The following ACYP2 variants were observed in gnomAD, a reference collection of about 807,000 sequenced individuals.
ACYP2 encodes the protein acylphosphatase 2.
ACYP2 carries 12 observed loss-of-function variants against 11.2 expected under a neutral mutation model. That is an observed-to-expected ratio of 1.08 (90% CI 0.69 to 1.74). The LOEUF is 1.74. Ranked by LOEUF, ACYP2 falls within the 40% of genes most tolerant of loss-of-function variation. The pLI is 0.00. For synonymous variants in ACYP2, 43 were observed against 32.2 expected (o/e 1.33, Z -1.13); for missense variants, 134 against 101.9 (o/e 1.31, Z -1.35).
intron 6 of ACYP2, among the ~76,000 whole-genome samples, chr2:54,258,382 C>G (rs984462898): frequency 1.5e-4 from 23 of 152,124 alleles, no homozygotes; most frequent in Non-Finnish European, 3.2e-4. Flanking sequence ...AGCAGAGGCA[C>G]TAAGACAGGA....
chr2:54,289,897 C>T (rs1689226970), intron 6 of ACYP2, among the ~76,000 whole-genome samples: 2 of 152,004 alleles, frequency 1.3e-5, no homozygotes, highest in Admixed American at 1.3e-4. Flanking sequence ...TCAGGGTTAA[C>T]CACATGTAGT....
At chr2:54,126,664 C>T (rs1397414752) in intron 4 of ACYP2, among the ~76,000 whole-genome samples, 1 of 148,312 alleles carries the variant, frequency 6.7e-6, no homozygotes, top group East Asian at 2.0e-4. Context: ...GTTTATGCTT[C>T]TGGCCGGGTG....
chr2:54,061,842 G>A (rs1261445228), intron 4 of ACYP2, among the ~76,000 whole-genome samples: 1 of 152,148 alleles, frequency 6.6e-6, no homozygotes, highest in African/African-American at 2.4e-5. Flanking sequence ...GAGAGGGCAA[G>A]GTGGGAGGAT....
intron 3 of ACYP2, among the ~76,000 whole-genome samples, chr2:54,053,543 AG>A (rs1335451614): frequency 4.6e-5 from 7 of 152,142 alleles, no homozygotes; most frequent in African/African-American, 1.7e-4. Flanking sequence ...TCTCTGTACC[AG>A]TCCCCCTGTG....
chr2:54,119,743 A>T (rs1473881044), intron 4 of ACYP2, among the ~76,000 whole-genome samples: 6 of 152,228 alleles, frequency 3.9e-5, no homozygotes, highest in Non-Finnish European at 8.8e-5. Context: ...GCCAATATGG[A>T]TACATTATTA....
chr2:54,099,276 T>C (rs970427365), intron 4 of ACYP2, among the ~76,000 whole-genome samples: 3 of 152,222 alleles, frequency 2.0e-5, no homozygotes, highest in African/African-American at 7.2e-5. Flanking sequence ...ATACTTACTT[T>C]TGTGTGGTGA....
chr2:53,978,431 G>GT (rs1287695487), intron 2 of ACYP2, among the ~76,000 whole-genome samples: 2 of 152,176 alleles, frequency 1.3e-5, no homozygotes, highest in Non-Finnish European at 1.5e-5. Flanking sequence ...GCATAATGAT[G>GT]TTTTGGTCAA....
Position 54,255,891 on chromosome 2 carries a change from C to T in ACYP2, c.405-48797C>T, listed in dbSNP as rs781392436. On this transcript the variant is annotated intron_variant, in intron 6 of 6. Transcript: ENST00000607452. ...CCGCGGGTGGTGGAGTCACTTCCTGCCCCGCTTTGATGGCTCCATGACTGC... is the reference window on the plus strand; with the variant it reads ...CCGCGGGTGGTGGAGTCACTTCCTGTCCCGCTTTGATGGCTCCATGACTGC... The T allele has an allele frequency of 6.8e-6, 11 of 1,613,924 alleles. No homozygotes were observed. The African/African-American group carries it at 8.0e-5, about 12-fold the overall frequency.
At chr2:54,149,119 T>C (rs1682031424) in intron 6 of ACYP2, among the ~76,000 whole-genome samples, 1 of 152,214 alleles carries the variant, frequency 6.6e-6, no homozygotes, top group Non-Finnish European at 1.5e-5. Flanking sequence ...GGCATGGGCC[T>C]TACTTTCTTA....
intron 2 of ACYP2, among the ~76,000 whole-genome samples, chr2:53,988,360 A>T (rs374422813): frequency 5.7e-4 from 86 of 152,124 alleles, no homozygotes; most frequent in African/African-American, 1.5e-3. Context: ...GTCAAGGTTT[A>T]TGTTTTGCCT....
At chr2:54,216,816 C>T (rs1243457629) in intron 6 of ACYP2, among the ~76,000 whole-genome samples, 4 of 152,200 alleles carry the variant, frequency 2.6e-5, no homozygotes, top group Admixed American at 1.3e-4. Flanking sequence ...GAATTACAAG[C>T]GTGAGCTACT....
chr2:53,994,574 G>C (rs1236334895), intron 2 of ACYP2, among the ~76,000 whole-genome samples: 1 of 150,636 alleles, frequency 6.6e-6, no homozygotes, highest in Admixed American at 6.6e-5. Context: ...GGTGGACTAT[G>C]AGAGGCAATA....
intron 4 of ACYP2, among the ~76,000 whole-genome samples, chr2:54,065,083 C>CTAAATAAATAAA (rs58007169): frequency 6.7e-5 from 10 of 148,924 alleles, no homozygotes; most frequent in African/African-American, 2.0e-4. Context: ...GACTCCATCT[C>CTAAATAAATAAA]TAAATAAATA....
chr2:54,291,735 C>T (rs1173139853), intron 6 of ACYP2, among the ~76,000 whole-genome samples: 3 of 152,144 alleles, frequency 2.0e-5, no homozygotes, highest in Non-Finnish European at 4.4e-5. Flanking sequence ...CTGGTGGTGC[C>T]TTCCTGATAC....
intron 6 of ACYP2, among the ~76,000 whole-genome samples, chr2:54,198,860 C>G (rs1684630487): frequency 6.6e-6 from 1 of 152,134 alleles, no homozygotes; most frequent in South Asian, 2.1e-4. Context: ...TGGCACAAAA[C>G]AAGCTCAACT....
intron 1 of ACYP2, among the ~76,000 whole-genome samples, chr2:53,973,217 G>C (rs1247832012): frequency 6.6e-6 from 1 of 152,182 alleles, no homozygotes; most frequent in Non-Finnish European, 1.5e-5. Context: ...AGTGTCGTTG[G>C]AGTGTAGAAT....
rs774884228 is a variant in ACYP2 at position 54,256,083 on chromosome 2, G to GC, written c.405-48602dup. 125 of 1,614,136 alleles carry GC rather than the reference G, an allele frequency of 7.7e-5. No homozygotes were observed. In the African/African-American group the frequency reaches 1.3e-3, roughly 17 times the overall value. On this transcript the variant is annotated intron_variant, in intron 6 of 6. Coordinates refer to ENST00000607452, the MANE Select transcript of ACYP2 (RefSeq NM_001320586.2). ...CCTTGCTCTTTTCTCGGGACCTCTG[G>GC]CCCTGGTGCGGGTCTTCCAGAGCAT... is the stretch of plus-strand genomic sequence containing the variant.
At chr2:54,164,518 G>A (rs1443346373) in intron 6 of ACYP2, among the ~76,000 whole-genome samples, 2 of 152,146 alleles carry the variant, frequency 1.3e-5, no homozygotes, top group Non-Finnish European at 2.9e-5. Context: ...ATAGGGAAGA[G>A]AGAAGACTGC....
Position 54,091,489 on chromosome 2 carries a change from T to TTTTTTTTATTTA in ACYP2, c.277+34132_277+34133insTTTTATTTATTT, listed in dbSNP as rs149754933. ...CTTAGAGCACATCTCACTCTCTTGATTTTATTTATTTATTTATTTATTTAT... is the reference window on the plus strand; with the variant it reads ...CTTAGAGCACATCTCACTCTCTTGATTTTTTTTATTTATTTATTTATTTATTTATTTATTTAT... On this transcript the variant is annotated intron_variant, in intron 4 of 6. Transcript: ENST00000607452. Among the ~76,000 whole-genome samples the TTTTTTTTATTTA allele has an allele frequency of 1.0e-4, 15 of 143,738 alleles. No homozygotes were observed. The East Asian group carries it at 2.7e-3, about 26-fold the overall frequency. The allele number at this position is 143,738 out of a possible 152,430, so 94.3% of individuals were successfully genotyped here.
Sources: gnomAD v4.1 joint callset for allele counts (sites outside exome capture counted in the v4.1 genomes callset) on GRCh38, gnomAD v4.1.1 for gene constraint, MANE v1.5 for transcripts, NCBI Gene and HGNC (gene_info 2026-07-23, HGNC 2026-07-21) for gene names.